The following GPHN variants were observed in gnomAD, a reference collection of about 807,000 sequenced individuals.
GPHN encodes the protein gephyrin.
GPHN carries 17 observed loss-of-function variants against 95.5 expected under a neutral mutation model. The ratio of observed to expected loss-of-function variants is 0.18; its 90% CI spans 0.12 to 0.27. The LOEUF is 0.27. Among genes scored for constraint, GPHN ranks in the 10% least tolerant of loss-of-function variants. The probability of loss-of-function intolerance (pLI) is 1.00; values close to 1 mark genes in which losing one functional copy is unlikely to be tolerated. For missense variants in GPHN, 660 were observed against 978.1 expected (o/e 0.67, Z 4.34); for synonymous variants, 320 against 322.5 (o/e 0.99, Z 0.08).
chr14:67,105,763 CT>C (rs201499766), intron 13 of GPHN, among the ~76,000 whole-genome samples: 2 of 150,858 alleles, frequency 1.3e-5, no homozygotes, highest in Non-Finnish European at 3.0e-5. Context: ...TAGTTGGGTT[CT>C]TTTTTTTTAA....
chr14:67,335,332 C>T, the GPHN span: 1 of 152,206 alleles, frequency 6.6e-6, no homozygotes. Flanking sequence ...TGTACAGCCA[C>T]TCTGGCCAAT....
At chr14:67,362,962 C>G in the GPHN span, among the ~76,000 whole-genome samples, 22,731 of 151,982 alleles carry the variant, frequency 0.15, 3,200 homozygotes, top group East Asian at 0.42. Flanking sequence ...TAGTCATATC[C>G]CTTCAGGATT....
At chr14:66,790,563 G>A (rs975835556) in intron 3 of GPHN, among the ~76,000 whole-genome samples, 1 of 152,218 alleles carries the variant, frequency 6.6e-6, no homozygotes, top group Non-Finnish European at 1.5e-5. Context: ...GAGACCAAGA[G>A]AAGGTACTGC....
the GPHN span, among the ~76,000 whole-genome samples, chr14:67,426,159 T>C: frequency 1.3e-5 from 2 of 151,982 alleles, no homozygotes; most frequent in African/African-American, 4.8e-5. Context: ...AAATATTCAG[T>C]ATGACTCTCA....
At chr14:67,206,322 A>C in the GPHN span, among the ~76,000 whole-genome samples, 684 of 151,944 alleles carry the variant, frequency 4.5e-3, 3 homozygotes, top group African/African-American at 0.016. Context: ...ACATGGCAAA[A>C]CCCTGTCTCT....
At chr14:66,934,196 A>C (rs1292910669) in intron 8 of GPHN, among the ~76,000 whole-genome samples, 1 of 151,418 alleles carries the variant, frequency 6.6e-6, no homozygotes. Context: ...TTTTTAAATT[A>C]CTTCTTTACC....
At chr14:67,680,615 C>A in the GPHN span, among the ~76,000 whole-genome samples, 5 of 152,138 alleles carry the variant, frequency 3.3e-5, no homozygotes, top group Non-Finnish European at 7.3e-5. Flanking sequence ...CACGCCACCA[C>A]GCCTGGCTAA....
chr14:67,435,506 G>C, the GPHN span, among the ~76,000 whole-genome samples: 2 of 152,214 alleles, frequency 1.3e-5, no homozygotes, highest in Admixed American at 6.5e-5. Context: ...TGCCCACAGG[G>C]CAGTGGCCAC....
At chr14:67,680,163 A>G in the GPHN span, among the ~76,000 whole-genome samples, 1 of 152,244 alleles carries the variant, frequency 6.6e-6, no homozygotes, top group Non-Finnish European at 1.5e-5. Flanking sequence ...TGAACACACT[A>G]AAGTTTGAGA....
chr14:66,518,242 A>G (rs1049580775), intron 1 of GPHN, among the ~76,000 whole-genome samples: 2 of 152,170 alleles, frequency 1.3e-5, no homozygotes, highest in African/African-American at 4.8e-5. Flanking sequence ...AACAATGTTC[A>G]GCATCATTAA....
At chr14:66,604,306 A>C (rs1321041387) in intron 1 of GPHN, among the ~76,000 whole-genome samples, 1 of 151,920 alleles carries the variant, frequency 6.6e-6, no homozygotes, top group African/African-American at 2.4e-5. Flanking sequence ...TTTTTCTTCT[A>C]CTCTAATTGA....
intron 9 of GPHN, among the ~76,000 whole-genome samples, chr14:66,992,043 A>G (rs1260857643): frequency 6.6e-6 from 1 of 152,060 alleles, no homozygotes; most frequent in African/African-American, 2.4e-5. Flanking sequence ...AAGTAGATAA[A>G]TGTTCATGAA....
the GPHN span, among the ~76,000 whole-genome samples, chr14:67,625,917 C>T: frequency 1.3e-5 from 2 of 152,018 alleles, no homozygotes; most frequent in African/African-American, 4.8e-5. Flanking sequence ...AGAAGTTATA[C>T]AAATGGGCAG....
the GPHN span, among the ~76,000 whole-genome samples, chr14:67,245,954 A>G: frequency 6.6e-6 from 1 of 151,942 alleles, no homozygotes; most frequent in African/African-American, 2.4e-5. Context: ...GAGAAGTACA[A>G]GTTGTTTCAC....
At chr14:66,661,681 T>C (rs1030947697) in intron 1 of GPHN, among the ~76,000 whole-genome samples, 2 of 152,080 alleles carry the variant, frequency 1.3e-5, no homozygotes, top group Non-Finnish European at 2.9e-5. Context: ...GTTCTTCATC[T>C]CTGAGCAGGA....
the GPHN span, among the ~76,000 whole-genome samples, chr14:67,268,872 C>T: frequency 6.6e-6 from 1 of 152,178 alleles, no homozygotes; most frequent in Non-Finnish European, 1.5e-5. Context: ...AGCCCCTATT[C>T]AAGATGGAGT....
chr14:66,969,167 A>G (rs1470668192), intron 9 of GPHN: 1 of 152,072 alleles, frequency 6.6e-6, no homozygotes, highest in Non-Finnish European at 1.5e-5. Context: ...TTTCTCTTTT[A>G]TATCATATAT....
At chr14:66,806,266 C>T (rs758832532) in intron 3 of GPHN, among the ~76,000 whole-genome samples, 2 of 152,110 alleles carry the variant, frequency 1.3e-5, no homozygotes, top group Non-Finnish European at 2.9e-5. Context: ...GCACAAGGAC[C>T]CTGGTCCCGG....
At chr14:66,528,945 G>T in intron 1 of GPHN, among the ~76,000 whole-genome samples, 1 of 152,114 alleles carries the variant, frequency 6.6e-6, no homozygotes, top group East Asian at 1.9e-4. Flanking sequence ...TGTGTCTTGG[G>T]GTTGCTCTTC....
Sources: allele counts gnomAD v4.1 joint callset (sites outside exome capture counted in the v4.1 genomes callset), GRCh38; gene constraint gnomAD v4.1.1; transcripts MANE v1.5; gene names NCBI Gene and HGNC (gene_info 2026-07-23, HGNC 2026-07-21).